Variants in EGFLAM observed in about 807,000 individuals in gnomAD.
EGFLAM encodes pikachurin.
A neutral mutation model predicts 113.1 loss-of-function variants in EGFLAM; 79 were observed. The observed-to-expected ratio is 0.70, with a 90% CI of 0.58 to 0.84. The LOEUF is 0.84. EGFLAM is among the 40% of genes least tolerant of loss of function. EGFLAM has a pLI of 0.00. For missense variants in EGFLAM, 1,265 were observed against 1,291.6 expected, an observed-to-expected ratio of 0.98 and a Z score of 0.32; for synonymous variants, 504 against 487.6, an observed-to-expected ratio of 1.03 and a Z score of -0.44.
chr5:38,447,666 G>A (rs1055080415), intron 17 of EGFLAM, among the ~76,000 whole-genome samples: 11 of 151,922 alleles, frequency 7.2e-5, no homozygotes, highest in Middle Eastern at 3.4e-3. Context: ...TGATGCAGGA[G>A]GATTGCTTGA....
At chr5:38,445,332 A>T in intron 17 of EGFLAM, 1 of 233,260 alleles carries the variant, frequency 4.3e-6, no homozygotes, top group Non-Finnish European at 7.0e-6. Context: ...CTGTTTCTCT[A>T]GATTTAAAAG....
intron 1 of EGFLAM, among the ~76,000 whole-genome samples, chr5:38,287,470 C>T (rs1326729388): frequency 6.6e-6 from 1 of 152,284 alleles, no homozygotes; most frequent in Non-Finnish European, 1.5e-5. Flanking sequence ...CTCCTGGACT[C>T]AAGCAGTCCT....
intron 6 of EGFLAM, among the ~76,000 whole-genome samples, chr5:38,394,655 C>T (rs889367559): frequency 2.1e-4 from 32 of 150,920 alleles, no homozygotes; most frequent in African/African-American, 7.1e-4. Context: ...GTGATCCACC[C>T]GCCTCGGCCT....
chr5:38,448,145 T>C, intron 17 of EGFLAM, 156 bp from the exon 18 acceptor site: 1 of 785,548 alleles, frequency 1.3e-6, no homozygotes. Flanking sequence ...TGGGCAACTG[T>C]GAACCTGGCC....
chr5:38,340,263 G>A (rs1739302065), intron 3 of EGFLAM, among the ~76,000 whole-genome samples: 1 of 152,206 alleles, frequency 6.6e-6, no homozygotes, highest in Non-Finnish European at 1.5e-5. Context: ...GTTGGTCAGA[G>A]TCACTTAACC....
chr5:38,390,450 C>T (rs559632293), intron 6 of EGFLAM, among the ~76,000 whole-genome samples: 1 of 152,156 alleles, frequency 6.6e-6, no homozygotes, highest in African/African-American at 2.4e-5. Context: ...AACCATATTA[C>T]AATGAACAGT....
At chr5:38,382,664 T>G (rs866494249) in intron 6 of EGFLAM, among the ~76,000 whole-genome samples, 4 of 152,330 alleles carry the variant, frequency 2.6e-5, no homozygotes, top group Middle Eastern at 3.4e-3. Flanking sequence ...TATTAACACA[T>G]AATATTCATA....
At chr5:38,425,323 C>T (rs942892114) in intron 13 of EGFLAM, among the ~76,000 whole-genome samples, 17 of 152,024 alleles carry the variant, frequency 1.1e-4, no homozygotes, top group African/African-American at 3.1e-4. Flanking sequence ...GAACTACAGG[C>T]GCCCAGCTAA....
chr5:38,412,565 T>TGGC lies in EGFLAM; in HGVS notation c.1412_1414dup (p.Trp471_His472insArg). The TGGC allele has an allele frequency of 6.2e-7, 1 of 1,614,174 alleles. No individual in the cohort carries two copies. Among genetic ancestry groups the TGGC allele is most frequent in the African/African-American group, 1.3e-5 (1 of 75,058 alleles). On this transcript the variant is annotated inframe_insertion, in exon 11 of 22. Transcript: ENST00000322350. ...TGAGACCAAAATCAAACTAGGGGGT[T>TGGC]GGCACACGGTTATGCTCTACAGAGA...
chr5:38,358,776 T>A (rs1739836650), intron 5 of EGFLAM, among the ~76,000 whole-genome samples: 1 of 152,176 alleles, frequency 6.6e-6, no homozygotes, highest in African/African-American at 2.4e-5. Context: ...GGAGGCTATT[T>A]GTTAGCTTTC....
intron 3 of EGFLAM, among the ~76,000 whole-genome samples, chr5:38,346,054 A>G (rs2589784): frequency 0.53 from 80,239 of 151,798 alleles, 21,644 homozygotes; most frequent in Admixed American, 0.6. Context: ...GTGTCAGTGC[A>G]GGAAAAGAGA....
At chr5:38,318,101 C>T (rs1296336157) in intron 1 of EGFLAM, among the ~76,000 whole-genome samples, 2 of 152,102 alleles carry the variant, frequency 1.3e-5, no homozygotes, top group Non-Finnish European at 2.9e-5. Flanking sequence ...CTGCTCCCCT[C>T]GCCTGGGTAA....
rs572058081 is a variant in EGFLAM, at chr5:38,453,834, A to C, written c.2687+2376A>C. 7.2e-5 allele frequency among the ~76,000 whole-genome samples: 11 copies of C among 151,988 alleles called. 1 individual carries two copies. In the South Asian group the frequency reaches 2.3e-3, roughly 32 times the overall value. ...AAACTGCCAGCTGAATCTATTCACC[A>C]CCCATTCTACTCCAGTAGGGAAACA... On this transcript the variant is annotated intron_variant, in intron 19 of 21. Coordinates refer to ENST00000322350, the MANE Select transcript of EGFLAM (RefSeq NM_152403.4).
At chr5:38,350,724 C>A in intron 4 of EGFLAM, 106 bp downstream of exon 4, 1 of 1,080,064 alleles carries the variant, frequency 9.3e-7, no homozygotes, top group Non-Finnish European at 1.3e-6. Context: ...CTGTGCTAGG[C>A]TCTGGGAATT....
chr5:38,406,086 G>T (rs753315073), intron 6 of EGFLAM, 40 bp from the exon 7 acceptor site: 37 of 1,508,824 alleles, frequency 2.5e-5, no homozygotes, highest in Non-Finnish European at 1.3e-5. Flanking sequence ...TGCAAAGAAG[G>T]CCTGTGCTGA....
intron 19 of EGFLAM, among the ~76,000 whole-genome samples, chr5:38,455,144 T>G (rs1743047722): frequency 6.6e-6 from 1 of 152,144 alleles, no homozygotes; most frequent in Non-Finnish European, 1.5e-5. Flanking sequence ...GACTTGACAT[T>G]AGCAAAGTGC....
intron 1 of EGFLAM, among the ~76,000 whole-genome samples, chr5:38,323,365 C>A (rs548098795): frequency 6.6e-6 from 1 of 152,206 alleles, no homozygotes; most frequent in East Asian, 1.9e-4. Flanking sequence ...TTTGAAAGTC[C>A]TCCAGAGAAA....
intron 16 of EGFLAM, among the ~76,000 whole-genome samples, chr5:38,436,063 A>G (rs1482823009): frequency 6.6e-6 from 1 of 151,774 alleles, no homozygotes; most frequent in African/African-American, 2.4e-5. Context: ...TGATCTGCCC[A>G]CCTTGGCCTC....
intron 1 of EGFLAM, among the ~76,000 whole-genome samples, chr5:38,285,421 C>T (rs1399806657): frequency 6.6e-6 from 1 of 152,148 alleles, no homozygotes; most frequent in Non-Finnish European, 1.5e-5. Flanking sequence ...TCACAACGGC[C>T]TCATTGTAAC....
Sources: allele counts gnomAD v4.1 joint callset (sites outside exome capture counted in the v4.1 genomes callset), GRCh38; gene constraint gnomAD v4.1.1; transcripts MANE v1.5; gene names NCBI Gene and HGNC (gene_info 2026-07-23, HGNC 2026-07-21).